Variants in GRAMD2B observed in about 807,000 individuals in gnomAD.
The protein encoded by GRAMD2B is GRAM domain-containing protein 2B.
GRAMD2B carries 41 observed loss-of-function variants against 59.2 expected under a neutral mutation model. The ratio of observed to expected loss-of-function variants is 0.69; its 90% CI spans 0.54 to 0.90. The LOEUF (loss-of-function observed/expected upper bound fraction) is 0.90. Ranked by LOEUF, GRAMD2B falls within the 40% of genes least tolerant of loss-of-function variation. The pLI, the probability that GRAMD2B is intolerant of heterozygous loss-of-function variation, is 0.00. For synonymous variants in GRAMD2B, 161 were observed against 182.7 expected, an observed-to-expected ratio of 0.88 and a Z score of 0.96; for missense variants, 424 against 500.5, an observed-to-expected ratio of 0.85 and a Z score of 1.46.
At chr5:126,474,459 A>G (rs902477032) in intron 5 of GRAMD2B, among the ~76,000 whole-genome samples, 3 of 152,208 alleles carry the variant, frequency 2.0e-5, no homozygotes, top group African/African-American at 7.2e-5. Context: ...TTAGCTAAGC[A>G]TTATTTGATC....
chr5:126,439,785 C>T (rs143743317), intron 1 of GRAMD2B, among the ~76,000 whole-genome samples: 9,866 of 152,242 alleles, frequency 0.065, 1,086 homozygotes, highest in African/African-American at 0.22. Flanking sequence ...ATAATCCCCA[C>T]ATGTCATGGG....
chr5:126,439,816 T>C (rs554984800), intron 1 of GRAMD2B, among the ~76,000 whole-genome samples: 7 of 152,150 alleles, frequency 4.6e-5, no homozygotes, highest in East Asian at 3.9e-4. Context: ...TGGGAGGTAA[T>C]TGAATCATGG....
chr5:126,463,018 T>A (rs1767652283), intron 1 of GRAMD2B, among the ~76,000 whole-genome samples: 1 of 152,224 alleles, frequency 6.6e-6, no homozygotes. Context: ...CCACCTTATG[T>A]GGTTAAGCAC....
At chr5:126,461,276 C>T (rs183019012) in intron 1 of GRAMD2B, among the ~76,000 whole-genome samples, 1 of 152,300 alleles carries the variant, frequency 6.6e-6, no homozygotes, top group Non-Finnish European at 1.5e-5. Context: ...TTAGCTGAAA[C>T]TCACAGAGAC....
At chr5:126,478,414 G>A (rs989238513) in intron 6 of GRAMD2B, among the ~76,000 whole-genome samples, 2 of 152,106 alleles carry the variant, frequency 1.3e-5, no homozygotes, top group Admixed American at 6.5e-5. Context: ...CTCCAGCCTG[G>A]GCAACAGAGA....
At chr5:126,419,677 T>C (rs573417976), upstream of GRAMD2B, among the ~76,000 whole-genome samples, 3 of 152,346 alleles carry the variant, frequency 2.0e-5, no homozygotes, top group South Asian at 6.2e-4. Context: ...GCTGTTTGCA[T>C]AGAAGCTCCC....
intron 1 of GRAMD2B, among the ~76,000 whole-genome samples, chr5:126,462,621 TGCTGA>T (rs1767582343): frequency 1.3e-5 from 2 of 152,292 alleles, no homozygotes; most frequent in South Asian, 4.1e-4. Flanking sequence ...TGTGAGCAAA[TGCTGA>T]GCTGAGTGCT....
chr5:126,446,583 T>C (rs984120487), intron 1 of GRAMD2B, among the ~76,000 whole-genome samples: 7 of 148,290 alleles, frequency 4.7e-5, no homozygotes, highest in Non-Finnish European at 8.9e-5. Context: ...TCATTAGTCA[T>C]GTAGAAAATG....
At chr5:126,362,591 C>G (rs1455285054) in intron 1 of GRAMD2B, among the ~76,000 whole-genome samples, 1 of 152,086 alleles carries the variant, frequency 6.6e-6, no homozygotes, top group African/African-American at 2.4e-5. Context: ...AATAAAAACA[C>G]AAGATCTTCA....
chr5:126,422,678 G>A (rs942029952), upstream of GRAMD2B, among the ~76,000 whole-genome samples: 4 of 152,152 alleles, frequency 2.6e-5, no homozygotes, highest in African/African-American at 7.2e-5. Flanking sequence ...ATGAATGAAT[G>A]AGTGAATGCT....
At chr5:126,380,708 T>C (rs920401028) in intron 1 of GRAMD2B, among the ~76,000 whole-genome samples, 1 of 152,232 alleles carries the variant, frequency 6.6e-6, no homozygotes, top group Non-Finnish European at 1.5e-5. Flanking sequence ...GCTTGGTCGC[T>C]GTTGGTATAT....
intron 6 of GRAMD2B, 75 bp from the exon 7 acceptor site, chr5:126,480,381 A>ATACTTT (rs752882433): frequency 3.9e-6 from 4 of 1,035,468 alleles, no homozygotes; most frequent in Non-Finnish European, 4.5e-6. Context: ...CTGTATACAG[A>ATACTTT]TACTTTTCTG....
In GRAMD2B at chr5:126,433,423, C is replaced by T. The variant is rs530947468; in HGVS notation, c.83+9734C>T. 6 of 152,332 alleles carry T rather than the reference C, an allele frequency of 3.9e-5. No homozygotes were observed. The East Asian group carries it at 1.2e-3, about 29-fold the overall frequency. The allele number at this position is 152,332 out of a possible 1,614,324, so 9.4% of individuals were successfully genotyped here. ...CAAAGATGCAGAAGACAAAGTAACT[C>T]CCATTAAAGTCTGTGCATCCCTGCG... On this transcript the variant is annotated intron_variant, in intron 1 of 13. Coordinates refer to ENST00000285689, the MANE Select transcript of GRAMD2B (RefSeq NM_023927.4).
chr5:126,404,187 A>G (rs1170753700), intron 1 of GRAMD2B, among the ~76,000 whole-genome samples: 1 of 151,964 alleles, frequency 6.6e-6, no homozygotes, highest in Non-Finnish European at 1.5e-5. Flanking sequence ...GTACAGTCTC[A>G]ACACAACCCA....
At position 126,363,554 on chromosome 5, in the gene GRAMD2B, G is replaced by A. The variant is rs1361565461; in HGVS notation, c.128+3095G>A. Among the ~76,000 whole-genome samples, 4 of 152,102 alleles carry A rather than the reference G, an allele frequency of 2.6e-5. No individual in the cohort carries two copies. In the South Asian group the frequency reaches 8.3e-4, roughly 32 times the overall value. The stretch of plus-strand genomic sequence containing the variant: ...TAGCCAAAAAGTAGAAACAATCCAA[G>A]TCTCCATCAACTAAATAATGGATAA... On this transcript the variant is annotated intron_variant, in intron 1 of 13. Coordinates refer to the GRAMD2B transcript ENST00000513040.
rs1469753393 is a variant in GRAMD2B at position 126,488,797 on chromosome 5, A to G, written c.1164-2A>G. 1 of 1,609,072 alleles carries G rather than the reference A, an allele frequency of 6.2e-7. No individual in the cohort carries two copies. The highest frequency in any genetic ancestry group is 8.5e-7 in the Non-Finnish European group (1 of 1,176,354). ...TAATAATTTTTCTCTTTTTTCTTAC[A>G]GACAGGCAGCACCATCTGGCCTGAG... On this transcript the variant is annotated splice_acceptor_variant, in intron 12 of 13. Transcript: ENST00000285689. LOFTEE classifies it high-confidence loss of function.
At chr5:126,431,615 G>A (rs1458542208) in intron 1 of GRAMD2B, among the ~76,000 whole-genome samples, 3 of 152,208 alleles carry the variant, frequency 2.0e-5, no homozygotes, top group Non-Finnish European at 4.4e-5. Flanking sequence ...TCAATAGAGG[G>A]CACAATGGTG....
chr5:126,360,412 T>C lies in GRAMD2B; in HGVS notation c.81T>C (p.Ser27=), dbSNP rs751795810. The C allele has an allele frequency of 2.4e-5, 37 of 1,550,886 alleles. No individual in the cohort carries two copies. In the Admixed American group the frequency reaches 4.9e-4, roughly 21 times the overall value. ...AAGCACAGCTTATGCCCTGGAAGAG[T>C]ATGTTCCACGGGAGAGAAGTGAAGC... Residue 27 remains serine, a synonymous_variant, in exon 1 of 14, where the codon AGT becomes AGC. Coordinates refer to the GRAMD2B transcript ENST00000513040.
At chr5:126,417,795 T>C (rs1029296204) in intron 1 of GRAMD2B, among the ~76,000 whole-genome samples, 5 of 152,182 alleles carry the variant, frequency 3.3e-5, no homozygotes, top group African/African-American at 2.4e-5. Flanking sequence ...CTACAAGATA[T>C]GTGTCTTTGC....
Sources: gnomAD v4.1 joint callset for allele counts (sites outside exome capture counted in the v4.1 genomes callset) on GRCh38, gnomAD v4.1.1 for gene constraint, MANE v1.5 for transcripts, NCBI Gene and HGNC (gene_info 2026-07-23, HGNC 2026-07-21) for gene names.